CLEC2D: variants seen among roughly 807,000 people sequenced by gnomAD.
CLEC2D encodes C-type lectin domain family 2 member D.
In CLEC2D, 16 loss-of-function variants were observed where a neutral mutation model predicts 20.0. The observed-to-expected ratio is 0.80, with a 90% CI of 0.54 to 1.22. The LOEUF (loss-of-function observed/expected upper bound fraction) is 1.22, where lower values mean the gene tolerates loss of function less well. Among genes scored for constraint, CLEC2D ranks in the 50% most tolerant of loss-of-function variants. The pLI, the probability that CLEC2D is intolerant of heterozygous loss-of-function variation, is 0.00. For missense variants in CLEC2D, 207 were observed against 221.5 expected (o/e 0.93, Z 0.42); for synonymous variants, 77 against 71.1 (o/e 1.08, Z -0.42).
Position 9,697,748 on chromosome 12 carries a change from G to C in CLEC2D, c.*2874G>C, listed in dbSNP as rs1866031851. 2 of 151,976 alleles carry C rather than the reference G, an allele frequency of 1.3e-5. No homozygotes were observed. Among genetic ancestry groups the C allele is most frequent in the Non-Finnish European group, 2.9e-5 (2 of 68,012 alleles). The allele number at this position is 151,976 out of a possible 1,614,324, so 9.4% of individuals were successfully genotyped here. ...AAAAAAACCCAAATACATAGAAATAGAGTAGAATGGTGGTTACCAGAGATG... is the reference window on the plus strand; with the variant it reads ...AAAAAAACCCAAATACATAGAAATACAGTAGAATGGTGGTTACCAGAGATG... On this transcript the variant is annotated 3_prime_UTR_variant, in exon 5 of 5. Coordinates refer to ENST00000290855, the MANE Select transcript of CLEC2D (RefSeq NM_013269.6).
At chr12:9,686,026 G>A (rs779770556) in intron 2 of CLEC2D, among the ~76,000 whole-genome samples, 5 of 152,030 alleles carry the variant, frequency 3.3e-5, no homozygotes, top group Admixed American at 2.0e-4. Context: ...TGCAAAAACC[G>A]TGGGAAAAGC....
At chr12:9,692,503 G>GA (rs1418407925) in intron 3 of CLEC2D, among the ~76,000 whole-genome samples, 1 of 152,128 alleles carries the variant, frequency 6.6e-6, no homozygotes, top group Non-Finnish European at 1.5e-5. Flanking sequence ...CAGGTGCCAA[G>GA]AATGTCATAG....
chr12:9,671,697 A>G (rs766049417), intron 1 of CLEC2D, among the ~76,000 whole-genome samples: 1 of 152,170 alleles, frequency 6.6e-6, no homozygotes, highest in Admixed American at 6.5e-5. Context: ...TCCTCAGACC[A>G]TACCTCTAGT....
intron 3 of CLEC2D, among the ~76,000 whole-genome samples, chr12:9,692,041 C>T (rs1224758784): frequency 6.6e-6 from 1 of 152,196 alleles, no homozygotes; most frequent in African/African-American, 2.4e-5. Context: ...GCCTATGCTG[C>T]TGCTGTTGTG....
chr12:9,675,304 T>C (rs1333865634), intron 1 of CLEC2D, among the ~76,000 whole-genome samples: 4 of 150,878 alleles, frequency 2.7e-5, no homozygotes. Flanking sequence ...CCCACCATTC[T>C]CCTGCCTCAG....
At chr12:9,682,416 C>T (rs1180986293) in intron 2 of CLEC2D, among the ~76,000 whole-genome samples, 2 of 151,970 alleles carry the variant, frequency 1.3e-5, no homozygotes, top group Admixed American at 6.6e-5. Context: ...ATGTGCAGAA[C>T]CCGCAGGTTC....
rs917498324 is a variant in CLEC2D at position 9,673,133 on chromosome 12, G to A, written c.61+3338G>A. Among the ~76,000 whole-genome samples, 8 of 152,312 alleles carry A rather than the reference G, an allele frequency of 5.3e-5. No individual in the cohort carries two copies. In the East Asian group the frequency reaches 1.5e-3, roughly 29 times the overall value. Reference sequence around the variant, plus strand: ...GGAGAACTGTTGCGATCATTTGGAGGAGAAGAGGCACTCTGGCTTTTGGAA... The same window carrying A: ...GGAGAACTGTTGCGATCATTTGGAGAAGAAGAGGCACTCTGGCTTTTGGAA... On this transcript the variant is annotated intron_variant, in intron 1 of 4. Coordinates refer to ENST00000290855, the MANE Select transcript of CLEC2D (RefSeq NM_013269.6).
chr12:9,688,033 T>C lies in CLEC2D; in HGVS notation c.304T>C (p.Phe102Leu), dbSNP rs1865787137. 6.2e-7 allele frequency: 1 copy of C among 1,612,158 alleles called. No individual in the cohort carries two copies. ...CAAGAACTGGACATCAAGTCAGAGG[T>C]TTTGTGACTCACAAGATGCTGATCT... is the stretch of plus-strand genomic sequence containing the variant. ...DTKNWTSSQR[F>L]CDSQDADLAQ... The change falls in exon 3 of 5, where the codon TTT becomes CTT. Residue 102 changes from phenylalanine (F) to leucine (L), a missense_variant. Transcript: ENST00000290855.
At chr12:9,691,730 C>T (rs1331311071) in intron 3 of CLEC2D, among the ~76,000 whole-genome samples, 1 of 152,058 alleles carries the variant, frequency 6.6e-6, no homozygotes, top group East Asian at 1.9e-4. Flanking sequence ...ACAAATAGCA[C>T]GTTTATGGTA....
At chr12:9,688,768 G>A (rs11052430) in intron 3 of CLEC2D, among the ~76,000 whole-genome samples, 9,206 of 152,196 alleles carry the variant, frequency 0.06, 323 homozygotes, top group Non-Finnish European at 0.084. Context: ...TGTCATAGAG[G>A]TTGGTAGACT....
intron 1 of CLEC2D, among the ~76,000 whole-genome samples, chr12:9,671,072 T>A (rs1050382414): frequency 2.6e-5 from 4 of 152,138 alleles, no homozygotes; most frequent in African/African-American, 9.7e-5. Flanking sequence ...CGGGCCTCCT[T>A]TTATTCTGAT....
At position 9,669,892 on chromosome 12, in the gene CLEC2D, A is replaced by T; in HGVS notation, c.61+97A>T. 5.5e-6 allele frequency: 5 copies of T among 913,602 alleles called. No individual in the cohort carries two copies. The South Asian group carries it at 7.5e-5, about 14-fold the overall frequency. 56.6% of individuals were successfully genotyped at this position (913,602 alleles called of 1,614,324 possible). A position where few individuals can be genotyped will look rare whatever the true frequency, so the allele number is the denominator to read the frequency against. On this transcript the variant is annotated intron_variant, in intron 1 of 4. Transcript: ENST00000290855. ...CAGGAAAGGTGCTGATCTAGTAAAA[A>T]GTTTTCAAGGATAAGAGATGGAATG... is the stretch of plus-strand genomic sequence containing the variant.
chr12:9,686,300 C>G (rs1031271249), intron 2 of CLEC2D, among the ~76,000 whole-genome samples: 4 of 151,992 alleles, frequency 2.6e-5, no homozygotes, highest in African/African-American at 9.7e-5. Context: ...AATCAGCCAT[C>G]TTGCCCTCTC....
At position 9,694,930 on chromosome 12, in the gene CLEC2D, A is replaced by G; in HGVS notation, c.*56A>G. ...GAAGCATATTGGAACTGATAACTCCATTTTAAAATGAGCAAAGAATTTATT... is the reference window on the plus strand; with the variant it reads ...GAAGCATATTGGAACTGATAACTCCGTTTTAAAATGAGCAAAGAATTTATT... On this transcript the variant is annotated 3_prime_UTR_variant, in exon 5 of 5. Coordinates refer to ENST00000290855, the MANE Select transcript of CLEC2D (RefSeq NM_013269.6). The G allele has an allele frequency of 1.1e-6, 1 of 894,798 alleles. No individual in the cohort carries two copies. The highest frequency in any genetic ancestry group is 1.4e-5 in the South Asian group (1 of 73,322). 55.4% of individuals were successfully genotyped at this position (894,798 alleles called of 1,614,324 possible). A position where few individuals can be genotyped will look rare whatever the true frequency, so the allele number is the denominator to read the frequency against.
At chr12:9,672,530 G>A (rs768031965) in intron 1 of CLEC2D, among the ~76,000 whole-genome samples, 38 of 152,222 alleles carry the variant, frequency 2.5e-4, no homozygotes, top group African/African-American at 8.9e-4. Flanking sequence ...CGACCTTGGA[G>A]TATGTGTCTT....
At chr12:9,670,207 A>G (rs1865385008) in intron 1 of CLEC2D, among the ~76,000 whole-genome samples, 1 of 152,208 alleles carries the variant, frequency 6.6e-6, no homozygotes, top group Non-Finnish European at 1.5e-5. Flanking sequence ...TTACAAATCA[A>G]AAAAGTAACA....
Position 9,673,518 on chromosome 12 carries a change from C to T in CLEC2D, c.61+3723C>T, listed in dbSNP as rs774288642. On this transcript the variant is annotated intron_variant, in intron 1 of 4. Transcript: ENST00000290855. ...GGTGACCCTTGTTGGGAAGTCTCAC[C>T]CAGTCAGGAGGCATGGGATCAAGGA... Among the ~76,000 whole-genome samples, 4 of 152,368 alleles carry T rather than the reference C, an allele frequency of 2.6e-5. No individual in the cohort carries two copies. The East Asian group carries it at 7.7e-4, about 29-fold the overall frequency.
At chr12:9,686,146 C>T (rs1865744451) in intron 2 of CLEC2D, among the ~76,000 whole-genome samples, 1 of 151,668 alleles carries the variant, frequency 6.6e-6, no homozygotes, top group South Asian at 2.1e-4. Context: ...CAGCGCCCCA[C>T]CCTGCTTCTG....
rs113939048 is a variant in CLEC2D, at chr12:9,698,742, T to G, written c.*3868T>G. 1 of 152,280 alleles carries G rather than the reference T, an allele frequency of 6.6e-6. No individual in the cohort carries two copies. Among genetic ancestry groups the G allele is most frequent in the African/African-American group, 2.4e-5 (1 of 41,562 alleles). 9.4% of individuals were successfully genotyped at this position (152,280 alleles called of 1,614,324 possible). A position where few individuals can be genotyped will look rare whatever the true frequency, so the allele number is the denominator to read the frequency against. On this transcript the variant is annotated 3_prime_UTR_variant, in exon 5 of 5. Transcript: ENST00000290855. ...ACAACTTACAGATTGGGAGAATATA[T>G]TTCCAAACTATTGTTGGGGCTCAGA...
Sources: allele counts gnomAD v4.1 joint callset (sites outside exome capture counted in the v4.1 genomes callset), GRCh38; gene constraint gnomAD v4.1.1; transcripts MANE v1.5; gene names NCBI Gene and HGNC (gene_info 2026-07-23, HGNC 2026-07-21).